SHISA9: variants seen among roughly 807,000 people sequenced by gnomAD.
SHISA9 encodes the protein shisa family member 9.
SHISA9 carries 13 observed loss-of-function variants against 38.0 expected under a neutral mutation model. The observed-to-expected ratio is 0.34, with a 90% CI of 0.22 to 0.54. SHISA9 has a LOEUF of 0.54. Among genes scored for constraint, SHISA9 ranks in the 20% least tolerant of loss-of-function variants. The probability of loss-of-function intolerance (pLI) is 0.91; values close to 1 mark genes in which losing one functional copy is unlikely to be tolerated. For missense variants in SHISA9, 538 were observed against 575.8 expected, an observed-to-expected ratio of 0.93 and a Z score of 0.67; for synonymous variants, 275 against 242.0, an observed-to-expected ratio of 1.14 and a Z score of -1.27.
the SHISA9 span, among the ~76,000 whole-genome samples, chr16:13,501,682 C>A: frequency 1.3e-5 from 2 of 152,076 alleles, no homozygotes; most frequent in African/African-American, 4.8e-5. Context: ...GAATGGTGCC[C>A]GGCACATAAA....
chr16:13,366,217 C>A, the SHISA9 span, among the ~76,000 whole-genome samples: 1 of 152,168 alleles, frequency 6.6e-6, no homozygotes, highest in Admixed American at 6.5e-5. Flanking sequence ...TTAAAAAGAT[C>A]TTGCAGATTA....
chr16:13,151,462 T>C (rs2142004806), intron 2 of SHISA9, among the ~76,000 whole-genome samples: 1 of 152,280 alleles, frequency 6.6e-6, no homozygotes, highest in South Asian at 2.1e-4. Flanking sequence ...AACAACCAGC[T>C]CACCTTCTTC....
At chr16:13,287,154 A>C in the SHISA9 span, among the ~76,000 whole-genome samples, 1 of 152,180 alleles carries the variant, frequency 6.6e-6, no homozygotes, top group Non-Finnish European at 1.5e-5. Context: ...CAATAAGATT[A>C]ATAACATGAT....
At chr16:13,015,795 C>A (rs959218231) in intron 2 of SHISA9, among the ~76,000 whole-genome samples, 5 of 151,436 alleles carry the variant, frequency 3.3e-5, no homozygotes, top group Non-Finnish European at 5.9e-5. Context: ...AGAGAAATTT[C>A]TTTCTTTCTT....
chr16:13,078,464 G>A (rs1191003798), intron 2 of SHISA9, among the ~76,000 whole-genome samples: 1 of 151,632 alleles, frequency 6.6e-6, no homozygotes. Context: ...GGAGTGCAGT[G>A]GGGTGATCTT....
At chr16:13,233,532 G>A (rs541370754) in intron 4 of SHISA9, among the ~76,000 whole-genome samples, 1 of 152,286 alleles carries the variant, frequency 6.6e-6, no homozygotes, top group Non-Finnish European at 1.5e-5. Context: ...GGCTCTTCAG[G>A]TCTCACGGTT....
chr16:13,507,018 G>T, the SHISA9 span, among the ~76,000 whole-genome samples: 1 of 152,016 alleles, frequency 6.6e-6, no homozygotes, highest in South Asian at 2.1e-4. Context: ...ACTCCCTGCT[G>T]GGTAACAGAA....
the SHISA9 span, among the ~76,000 whole-genome samples, chr16:13,372,161 G>C: frequency 6.6e-6 from 1 of 152,184 alleles, no homozygotes; most frequent in South Asian, 2.1e-4. Context: ...CCCTCCTTTT[G>C]TGGACTCTAG....
the SHISA9 span, among the ~76,000 whole-genome samples, chr16:13,412,123 G>A: frequency 1.3e-5 from 2 of 152,126 alleles, no homozygotes; most frequent in African/African-American, 2.4e-5. Flanking sequence ...AAAGGGACAC[G>A]TTTCTGAGAT....
At chr16:13,196,707 C>T (rs1228266569) in intron 2 of SHISA9, among the ~76,000 whole-genome samples, 1 of 152,216 alleles carries the variant, frequency 6.6e-6, no homozygotes, top group African/African-American at 2.4e-5. Flanking sequence ...AATAGGGAAA[C>T]TGGGTCTGGA....
At chr16:13,484,697 G>A in the SHISA9 span, among the ~76,000 whole-genome samples, 1 of 152,186 alleles carries the variant, frequency 6.6e-6, no homozygotes, top group Admixed American at 6.5e-5. Flanking sequence ...GGTTGGGGAG[G>A]CCTCAGAAAA....
chr16:13,294,125 A>G, the SHISA9 span, among the ~76,000 whole-genome samples: 1 of 152,210 alleles, frequency 6.6e-6, no homozygotes, highest in Non-Finnish European at 1.5e-5. Flanking sequence ...AAACATATGC[A>G]ATATCCTGCT....
At chr16:13,373,867 C>G in the SHISA9 span, among the ~76,000 whole-genome samples, 1 of 152,002 alleles carries the variant, frequency 6.6e-6, no homozygotes, top group Non-Finnish European at 1.5e-5. Flanking sequence ...CAGAGGCCCA[C>G]ACAGAATAAG....
chr16:13,308,533 T>C, the SHISA9 span, among the ~76,000 whole-genome samples: 2,909 of 152,286 alleles, frequency 0.019, 96 homozygotes, highest in African/African-American at 0.066. Flanking sequence ...ACAAATATTC[T>C]GGACCAAAGA....
the SHISA9 span, among the ~76,000 whole-genome samples, chr16:13,385,849 C>T: frequency 6.6e-6 from 1 of 152,152 alleles, no homozygotes; most frequent in African/African-American, 2.4e-5. Context: ...GTACACATAA[C>T]AACTTGGATG....
At chr16:13,459,841 G>A in the SHISA9 span, among the ~76,000 whole-genome samples, 63 of 152,312 alleles carry the variant, frequency 4.1e-4, no homozygotes, top group Middle Eastern at 3.4e-3. Flanking sequence ...GAGATAAGGG[G>A]TATGGGAAAA....
At chr16:13,473,602 A>G in the SHISA9 span, among the ~76,000 whole-genome samples, 1 of 151,654 alleles carries the variant, frequency 6.6e-6, no homozygotes, top group Non-Finnish European at 1.5e-5. Context: ...TGTCACACCA[A>G]CACTCTTCAT....
intron 2 of SHISA9, among the ~76,000 whole-genome samples, chr16:13,092,780 G>A (rs1430190769): frequency 2.0e-5 from 3 of 152,152 alleles, no homozygotes; most frequent in African/African-American, 7.2e-5. Context: ...TGCTTCTTGG[G>A]TGAGGTGACG....
At chr16:13,255,399 G>A in the SHISA9 span, among the ~76,000 whole-genome samples, 1 of 152,028 alleles carries the variant, frequency 6.6e-6, no homozygotes, top group Admixed American at 6.5e-5. Context: ...CTATCTTTGG[G>A]ACTCTGTGTC....
Sources: gnomAD v4.1 joint callset for allele counts (sites outside exome capture counted in the v4.1 genomes callset) on GRCh38, gnomAD v4.1.1 for gene constraint, MANE v1.5 for transcripts, NCBI Gene and HGNC (gene_info 2026-07-23, HGNC 2026-07-21) for gene names.